TAFA5: variants seen among roughly 807,000 people sequenced by gnomAD.
The protein encoded by TAFA5 is chemokine-like protein TAFA-5.
In TAFA5, 6 loss-of-function variants were observed where a neutral mutation model predicts 15.3. That is an observed-to-expected ratio of 0.39 (90% CI 0.21 to 0.77). The LOEUF (loss-of-function observed/expected upper bound fraction) is 0.77, where lower values mean the gene tolerates loss of function less well. Ranked by LOEUF, TAFA5 falls within the 30% of genes least tolerant of loss-of-function variation. TAFA5 has a pLI of 0.41. For synonymous variants in TAFA5, 103 were observed against 80.7 expected, an observed-to-expected ratio of 1.28 and a Z score of -1.48; for missense variants, 161 against 193.1, an observed-to-expected ratio of 0.83 and a Z score of 0.98.
intron 1 of TAFA5, among the ~76,000 whole-genome samples, chr22:48,620,036 G>A (rs1348347103): frequency 5.3e-5 from 8 of 152,210 alleles, no homozygotes; most frequent in Non-Finnish European, 8.8e-5. Flanking sequence ...CGGGAAAGAG[G>A]AAAAGAAAGC....
intron 1 of TAFA5, among the ~76,000 whole-genome samples, chr22:48,613,182 G>A (rs186436360): frequency 2.0e-5 from 3 of 152,288 alleles, no homozygotes; most frequent in East Asian, 1.9e-4. Flanking sequence ...GAGCACTCAC[G>A]GCTGTTCTGA....
Position 48,502,814 on chromosome 22 carries a change from C to T in TAFA5, c.112+13110C>T, listed in dbSNP as rs1401666900. Among the ~76,000 whole-genome samples the T allele has an allele frequency of 3.3e-5, 5 of 152,146 alleles. No homozygotes were observed. The East Asian group carries it at 7.7e-4, about 23-fold the overall frequency. ...TGAGATTACAGGCATGAGCCACCAC[C>T]GCACCTGGCCAAGAGTGGCCTCTAT... On this transcript the variant is annotated intron_variant, in intron 1 of 3. Coordinates refer to ENST00000402357, the MANE Select transcript of TAFA5 (RefSeq NM_001082967.3).
chr22:48,669,899 T>C (rs5771926), intron 2 of TAFA5, among the ~76,000 whole-genome samples: 152,338 of 152,354 alleles, frequency 1, 76,161 homozygotes, highest in Middle Eastern at 1. Context: ...CCTAAGGCTG[T>C]GCTGCCTCCC....
At chr22:48,589,122 A>G (rs1349847792) in intron 1 of TAFA5, among the ~76,000 whole-genome samples, 1 of 151,982 alleles carries the variant, frequency 6.6e-6, no homozygotes, top group Non-Finnish European at 1.5e-5. Flanking sequence ...CACAGTGACA[A>G]CTCCCTGCTC....
rs1923396534 is a variant in TAFA5, at chr22:48,566,045, C to G, written c.112+76341C>G. On this transcript the variant is annotated intron_variant, in intron 1 of 3. Coordinates refer to ENST00000402357, the MANE Select transcript of TAFA5 (RefSeq NM_001082967.3). This position sits in a 1 kb window ranked among gnomAD's most constrained non-coding sequence, Gnocchi z 4.5. ...AGATGGATGACGGATAGATGATGAG[C>G]TGATGATGGATGGATGATGGATGGA... 6.7e-6 allele frequency among the ~76,000 whole-genome samples: 1 copy of G among 149,684 alleles called. No individual in the cohort carries two copies. Among genetic ancestry groups the G allele is most frequent in the Non-Finnish European group, 1.5e-5 (1 of 67,602 alleles).
chr22:48,558,683 G>T (rs908462388), intron 1 of TAFA5, among the ~76,000 whole-genome samples: 2 of 152,224 alleles, frequency 1.3e-5, no homozygotes, highest in African/African-American at 4.8e-5. Flanking sequence ...AGACTCGAAT[G>T]CGGAGACATG....
chr22:48,683,734 C>A (rs937437151), intron 2 of TAFA5, among the ~76,000 whole-genome samples: 1 of 152,186 alleles, frequency 6.6e-6, no homozygotes, highest in Non-Finnish European at 1.5e-5. Flanking sequence ...GTGTTCACAC[C>A]CAAATCTCAT....
At chr22:48,524,591 C>T (rs1921715669) in intron 1 of TAFA5, among the ~76,000 whole-genome samples, 1 of 152,224 alleles carries the variant, frequency 6.6e-6, no homozygotes, top group Non-Finnish European at 1.5e-5. Flanking sequence ...GCTGGAGCCT[C>T]CGTCCACAGC....
chr22:48,693,243 C>T, intron 2 of TAFA5: 1 of 1,528,380 alleles, frequency 6.5e-7, no homozygotes, highest in Non-Finnish European at 8.9e-7. Flanking sequence ...AGGATGAGTC[C>T]AGAGCCATGA....
intron 1 of TAFA5, among the ~76,000 whole-genome samples, chr22:48,572,558 G>T (rs1303192687): frequency 1.3e-5 from 2 of 152,170 alleles, no homozygotes; most frequent in African/African-American, 4.8e-5. Context: ...CTCTGCCCTG[G>T]TTTTTTCTTA....
intron 1 of TAFA5, among the ~76,000 whole-genome samples, chr22:48,517,394 A>C (rs550778203): frequency 2.0e-5 from 3 of 152,008 alleles, no homozygotes; most frequent in African/African-American, 7.2e-5. Flanking sequence ...CAGATGCAAG[A>C]TGGGAAGCAG....
At chr22:48,676,537 C>G (rs1451139552) in intron 2 of TAFA5, among the ~76,000 whole-genome samples, 1 of 152,196 alleles carries the variant, frequency 6.6e-6, no homozygotes, top group Non-Finnish European at 1.5e-5. Flanking sequence ...GTTCAGGAGT[C>G]TACACGGCTC....
chr22:48,510,310 C>G (rs1416330849), intron 1 of TAFA5, among the ~76,000 whole-genome samples: 1 of 152,110 alleles, frequency 6.6e-6, no homozygotes, highest in Admixed American at 6.5e-5. Flanking sequence ...GGACTAATAT[C>G]CAGAATATAT....
At chr22:48,585,418 CACACA>C (rs1369086075) in intron 1 of TAFA5, among the ~76,000 whole-genome samples, 9 of 148,784 alleles carry the variant, frequency 6.0e-5, no homozygotes, top group East Asian at 4.0e-4. Context: ...CACATACACA[CACACA>C]ACACATCACA....
chr22:48,533,751 A>G (rs1922051464), intron 1 of TAFA5, among the ~76,000 whole-genome samples: 1 of 147,288 alleles, frequency 6.8e-6, no homozygotes, highest in Non-Finnish European at 1.5e-5. Flanking sequence ...AGAGAAGGAC[A>G]TTTTCACATT....
At chr22:48,608,486 G>A (rs1015317192) in intron 1 of TAFA5, among the ~76,000 whole-genome samples, 1 of 151,974 alleles carries the variant, frequency 6.6e-6, no homozygotes, top group African/African-American at 2.4e-5. Context: ...CTCCACTTGG[G>A]GCCACGTGGA....
intron 2 of TAFA5, among the ~76,000 whole-genome samples, chr22:48,655,830 CTT>C (rs1197219539): frequency 0.04 from 2,466 of 61,734 alleles, 7 homozygotes; most frequent in African/African-American, 0.086. Context: ...AACACTGATT[CTT>C]TTTTTTTTTT....
Position 48,571,590 on chromosome 22 carries a change from T to G in TAFA5, c.113-75007T>G, listed in dbSNP as rs1293305487. 2.0e-3 allele frequency among the ~76,000 whole-genome samples: 287 copies of G among 142,464 alleles called. 4 individuals carry two copies. Among genetic ancestry groups the G allele is most frequent in the Non-Finnish European group, 2.7e-3 (176 of 65,710 alleles). The allele number at this position is 142,464 out of a possible 152,430, so 93.5% of individuals were successfully genotyped here. On this transcript the variant is annotated intron_variant, in intron 1 of 3. Coordinates refer to ENST00000402357, the MANE Select transcript of TAFA5 (RefSeq NM_001082967.3). Reference sequence around the variant, plus strand: ...GCCTGGCCTGTTTTTTTTTTTTTTTTTTTTTTTTTTTTTTTTGCTTTAAAA... The same window carrying G: ...GCCTGGCCTGTTTTTTTTTTTTTTTGTTTTTTTTTTTTTTTTGCTTTAAAA...
chr22:48,657,169 G>T (rs1846790030), intron 2 of TAFA5, among the ~76,000 whole-genome samples: 1 of 152,110 alleles, frequency 6.6e-6, no homozygotes, highest in African/African-American at 2.4e-5. Flanking sequence ...GTGAAGGAAG[G>T]CTGAAATTAC....
Sources: gnomAD v4.1 joint callset for allele counts (sites outside exome capture counted in the v4.1 genomes callset) on GRCh38, gnomAD v4.1.1 for gene constraint, Gnocchi (gnomAD v3.1) non-coding constraint, MANE v1.5 for transcripts, NCBI Gene and HGNC (gene_info 2026-07-23, HGNC 2026-07-21) for gene names.